Variants in DSC1 observed in about 807,000 individuals in gnomAD.
The protein encoded by DSC1 is desmocollin 1, also known as desmocollin-1.
DSC1 carries 79 observed loss-of-function variants against 98.8 expected under a neutral mutation model. The observed-to-expected ratio is 0.80, with a 90% confidence interval of 0.67 to 0.96. The LOEUF (loss-of-function observed/expected upper bound fraction) is 0.96. Among genes scored for constraint, DSC1 ranks in the 50% least tolerant of loss-of-function variants. The probability of loss-of-function intolerance (pLI) is 0.00; values close to 1 mark genes in which losing one functional copy is unlikely to be tolerated. For missense variants in DSC1, 1,115 were observed against 1,075.9 expected (o/e 1.04, Z -0.51); for synonymous variants, 405 against 372.1 (o/e 1.09, Z -1.02).
intron 6 of DSC1, among the ~76,000 whole-genome samples, chr18:31,147,953 T>TA (rs1360227706): frequency 3.4e-5 from 5 of 148,600 alleles, no homozygotes; most frequent in South Asian, 2.1e-4. Flanking sequence ...TGACACTTTT[T>TA]AAAAAACCAC....
chr18:31,146,760 C>T (rs1988855166), intron 6 of DSC1, among the ~76,000 whole-genome samples: 1 of 152,160 alleles, frequency 6.6e-6, no homozygotes, highest in South Asian at 2.1e-4. Flanking sequence ...GCATACCTTG[C>T]CTCTTTTATA....
At chr18:31,131,155 A>T (rs571296142) in intron 15 of DSC1, among the ~76,000 whole-genome samples, 1 of 152,354 alleles carries the variant, frequency 6.6e-6, no homozygotes, top group African/African-American at 2.4e-5. Context: ...AAACAAAACA[A>T]GGAACTAAAA....
intron 14 of DSC1, 26 bp from the exon 15 acceptor site, chr18:31,131,868 G>C: frequency 1.2e-6 from 2 of 1,608,278 alleles, no homozygotes; most frequent in Non-Finnish European, 1.7e-6. Flanking sequence ...GAGTGATAAA[G>C]TGAATTTGAA....
At chr18:31,133,708 T>C (rs2144915048) in intron 13 of DSC1, among the ~76,000 whole-genome samples, 183 bp downstream of exon 13, 1 of 152,170 alleles carries the variant, frequency 6.6e-6, no homozygotes, top group Admixed American at 6.5e-5. Context: ...GAAACTGACT[T>C]TAAATTTAAT....
intron 3 of DSC1, 29 bp downstream of exon 3, chr18:31,157,342 G>T: frequency 1.2e-6 from 2 of 1,608,002 alleles, no homozygotes; most frequent in Non-Finnish European, 1.7e-6. Flanking sequence ...ATATTACTGT[G>T]CTAGGCTGCT....
chr18:31,142,293 G>A lies in DSC1; in HGVS notation c.1075-109C>T, dbSNP rs7245200. The A allele has an allele frequency of 5.0e-3, 5,840 of 1,176,498 alleles. 241 individuals carry two copies. In the African/African-American group the frequency reaches 0.085, roughly 17 times the overall value. 72.9% of individuals were successfully genotyped at this position (1,176,498 alleles called of 1,614,324 possible). A position where few individuals can be genotyped will look rare whatever the true frequency, so the allele number is the denominator to read the frequency against. ...AATAAATAAAGTGATGTGAAAAGCT[G>A]CCCTCACTATATGGGGAAACATTTT... On this transcript the variant is annotated intron_variant, in intron 8 of 15. Transcript: ENST00000257198.
At position 31,157,394 on chromosome 18, in the gene DSC1, C is replaced by A; in HGVS notation, c.328G>T (p.Val110Leu). 1.2e-6 allele frequency: 2 copies of A among 1,614,150 alleles called. No homozygotes were observed. Among genetic ancestry groups the A allele is most frequent in the Non-Finnish European group, 1.7e-6 (2 of 1,180,014 alleles). The change falls in exon 3 of 16, where the codon GTA becomes TTA. Residue 110 changes from valine to leucine, a missense_variant. Val to Leu is a conservative substitution (Grantham distance 32). Transcript: ENST00000257198. The stretch of plus-strand genomic sequence containing the variant: ...ACCTTGTTTTCTCTTGCTGACAGTA[C>A]AACTTTTATCTCTTGTTGTTCCCGT... ...QRREQQEIKV[V>L]LSARENKSPK... is the part of the protein sequence containing the mutation.
At chr18:31,139,117 G>A (rs1236591854) in intron 11 of DSC1, among the ~76,000 whole-genome samples, 1 of 151,816 alleles carries the variant, frequency 6.6e-6, no homozygotes, top group East Asian at 1.9e-4. Flanking sequence ...ATACTAACAA[G>A]TGGTTTACTG....
At chr18:31,140,502 C>T (rs556474024) in intron 9 of DSC1, among the ~76,000 whole-genome samples, 1 of 152,200 alleles carries the variant, frequency 6.6e-6, no homozygotes, top group Admixed American at 6.5e-5. Flanking sequence ...TCAGATTCAA[C>T]CCATTTTTCT....
chr18:31,139,110 C>T (rs1040607240), intron 11 of DSC1, among the ~76,000 whole-genome samples: 2 of 151,810 alleles, frequency 1.3e-5, no homozygotes, highest in East Asian at 3.9e-4. Context: ...TTTAAACATA[C>T]TAACAAGTGG....
Position 31,140,283 on chromosome 18 carries a change from T to G in DSC1, c.1279A>C (p.Asn427His), listed in dbSNP as rs1330069752. 6.2e-7 allele frequency: 1 copy of G among 1,613,898 alleles called. No homozygotes were observed. The highest frequency in any genetic ancestry group is 8.5e-7 in the Non-Finnish European group (1 of 1,179,890). ...CCAACTTGCAAAATAACTTGGCGAT[T>G]GACTTCATAGTTCAATGGCTGTTAA... ...CVVKPLNYEV[N>H]RQVILQVGVI... Residue 427 changes from asparagine to histidine, a missense_variant, in exon 10 of 16, where the codon AAT becomes CAT. Physicochemically the swap from Asn to His is moderately conservative, Grantham distance 68. Coordinates refer to ENST00000257198, the MANE Select transcript of DSC1 (RefSeq NM_024421.2).
chr18:31,140,364 A>G, intron 9 of DSC1, 63 bp from the exon 10 acceptor site: 2 of 1,469,558 alleles, frequency 1.4e-6, no homozygotes, highest in Non-Finnish European at 1.8e-6. Context: ...TTCTAATTTC[A>G]AATTTTCCTA....
At chr18:31,139,266 C>A (rs1326560110) in intron 11 of DSC1, among the ~76,000 whole-genome samples, 2 of 151,928 alleles carry the variant, frequency 1.3e-5, no homozygotes, top group African/African-American at 4.8e-5. Flanking sequence ...CATTGTTTGA[C>A]CATTGCTTTA....
At position 31,133,972 on chromosome 18, in the gene DSC1, T is replaced by A. The variant is rs368069374; in HGVS notation, c.2035A>T (p.Ser679Cys). 16 of 1,613,338 alleles carry A rather than the reference T, an allele frequency of 9.9e-6. No individual in the cohort carries two copies. Among genetic ancestry groups the A allele is most frequent in the Non-Finnish European group, 1.4e-5 (16 of 1,179,648 alleles). ...TPSECRMKDKSTRDVRPNVIL... is the reference protein window; with the variant it reads ...TPSECRMKDKCTRDVRPNVIL... The stretch of plus-strand genomic sequence containing the variant: ...ACATTTGGTCTAACGTCTCTTGTAC[T>A]TTTATCCTTCATTCTACACTCAGAT... Residue 679 changes from serine to cysteine, a missense_variant, in exon 13 of 16, where the codon AGT becomes TGT. Physicochemically the swap from Ser to Cys is moderately radical, Grantham distance 112. Transcript: ENST00000257198.
At chr18:31,143,364 G>A (rs1204022873) in intron 8 of DSC1, among the ~76,000 whole-genome samples, 1 of 145,304 alleles carries the variant, frequency 6.9e-6, no homozygotes, top group Non-Finnish European at 1.5e-5. Context: ...TGGTAGCAGA[G>A]CTTAACACCA....
At chr18:31,138,988 CCT>C (rs1988671927) in intron 11 of DSC1, among the ~76,000 whole-genome samples, 1 of 151,760 alleles carries the variant, frequency 6.6e-6, no homozygotes. Context: ...TTTTTATCAT[CCT>C]CTTTTAATAT....
chr18:31,159,683 A>G (rs1173840441), intron 1 of DSC1, among the ~76,000 whole-genome samples, 154 bp from the exon 2 acceptor site: 1 of 152,216 alleles, frequency 6.6e-6, no homozygotes, highest in African/African-American at 2.4e-5. Flanking sequence ...AAAAGGAACC[A>G]GCAAAGAGAA....
At chr18:31,137,844 G>A (rs1003917483) in intron 11 of DSC1, among the ~76,000 whole-genome samples, 1 of 152,032 alleles carries the variant, frequency 6.6e-6, no homozygotes, top group African/African-American at 2.4e-5. Flanking sequence ...ATGCTTTCTC[G>A]ACTGACAGCA....
In DSC1 at chr18:31,162,809, T is replaced by C. The variant is rs867336305; in HGVS notation, c.-215A>G. 23 of 542,936 alleles carry C rather than the reference T, an allele frequency of 4.2e-5. No individual in the cohort carries two copies. The highest frequency in any genetic ancestry group is 9.8e-4 in the Middle Eastern group (2 of 2,038). 33.6% of individuals were successfully genotyped at this position (542,936 alleles called of 1,614,324 possible). On this transcript the variant is annotated 5_prime_UTR_variant, in exon 1 of 16. Coordinates refer to ENST00000257198, the MANE Select transcript of DSC1 (RefSeq NM_024421.2). ...CCCCCTATTCCCTGGCCAGTCTCCTTCCTTCCAGTTCAATTACGTCTAAAT... is the reference window on the plus strand; with the variant it reads ...CCCCCTATTCCCTGGCCAGTCTCCTCCCTTCCAGTTCAATTACGTCTAAAT...
Sources: gnomAD v4.1 joint callset for allele counts (sites outside exome capture counted in the v4.1 genomes callset) on GRCh38, gnomAD v4.1.1 for gene constraint, MANE v1.5 for transcripts, NCBI Gene and HGNC (gene_info 2026-07-23, HGNC 2026-07-21) for gene names.